CTNNA3: variants seen among roughly 807,000 people sequenced by gnomAD.
The protein encoded by CTNNA3 is catenin alpha-3.
A neutral mutation model predicts 95.7 loss-of-function variants in CTNNA3; 76 were observed. The observed-to-expected ratio is 0.79, with a 90% CI of 0.66 to 0.96. CTNNA3 has a LOEUF of 0.96. Ranked by LOEUF, CTNNA3 falls within the 40% of genes least tolerant of loss-of-function variation. The pLI is 0.00. For missense variants in CTNNA3, 1,191 were observed against 1,089.8 expected (o/e 1.09, Z -1.31); for synonymous variants, 431 against 374.4 (o/e 1.15, Z -1.74).
At chr10:66,985,914 G>C (rs183745759) in intron 7 of CTNNA3, among the ~76,000 whole-genome samples, 37 of 152,054 alleles carry the variant, frequency 2.4e-4, no homozygotes, top group African/African-American at 8.9e-4. Context: ...TTTTAGTAGA[G>C]ACAGGGTTTC....
At chr10:67,511,174 A>G (rs1839613627) in intron 5 of CTNNA3, among the ~76,000 whole-genome samples, 3 of 152,118 alleles carry the variant, frequency 2.0e-5, no homozygotes, top group Non-Finnish European at 4.4e-5. Flanking sequence ...CTAATTGAAT[A>G]CCCTTTACTT....
intron 5 of CTNNA3, among the ~76,000 whole-genome samples, chr10:67,360,607 C>T (rs1842962715): frequency 6.6e-6 from 1 of 152,088 alleles, no homozygotes; most frequent in Non-Finnish European, 1.5e-5. Context: ...TACAGTTCTA[C>T]AGACTATACG....
chr10:67,332,258 T>G (rs1841823103), intron 5 of CTNNA3, among the ~76,000 whole-genome samples: 1 of 152,190 alleles, frequency 6.6e-6, no homozygotes, highest in East Asian at 1.9e-4. Flanking sequence ...TTTTGAAACT[T>G]TATAAAGTGA....
intron 10 of CTNNA3, among the ~76,000 whole-genome samples, chr10:66,551,896 CTTTTTT>C (rs141885331): frequency 6.1e-5 from 7 of 113,966 alleles, no homozygotes; most frequent in South Asian, 5.8e-4. Flanking sequence ...TTTTCTTTTC[CTTTTTT>C]TTTTTTTTTT....
At chr10:67,297,098 C>T (rs1006604680) in intron 5 of CTNNA3, among the ~76,000 whole-genome samples, 6 of 152,064 alleles carry the variant, frequency 3.9e-5, no homozygotes, top group Admixed American at 6.5e-5. Context: ...CCACATTGTA[C>T]GTGGACTCTC....
chr10:67,419,307 CTT>C (rs1845656062), intron 5 of CTNNA3, among the ~76,000 whole-genome samples: 1 of 152,146 alleles, frequency 6.6e-6, no homozygotes, highest in East Asian at 1.9e-4. Flanking sequence ...TTATCCTTGT[CTT>C]AAAACCAAAA....
At chr10:66,687,247 G>A (rs1344196660) in intron 9 of CTNNA3, among the ~76,000 whole-genome samples, 1 of 151,884 alleles carries the variant, frequency 6.6e-6, no homozygotes, top group Non-Finnish European at 1.5e-5. Flanking sequence ...AGGCAAAAAA[G>A]GTGATAAATT....
intron 9 of CTNNA3, among the ~76,000 whole-genome samples, chr10:66,729,078 C>T (rs574843237): frequency 1.3e-5 from 2 of 152,264 alleles, no homozygotes; most frequent in South Asian, 4.1e-4. Flanking sequence ...GGTCTTATTT[C>T]TGAGTTATCT....
At chr10:67,699,889 C>G (rs953029495), upstream of CTNNA3, among the ~76,000 whole-genome samples, 6 of 152,344 alleles carry the variant, frequency 3.9e-5, no homozygotes, top group African/African-American at 1.4e-4. Flanking sequence ...GGGTGACAGA[C>G]GGCACCTGGA....
intron 15 of CTNNA3, among the ~76,000 whole-genome samples, chr10:66,007,183 A>C (rs974504836): frequency 3.3e-5 from 5 of 152,188 alleles, no homozygotes; most frequent in African/African-American, 1.2e-4. Context: ...TGCTGCTCTC[A>C]ATTGATTTAC....
At chr10:66,601,942 A>G (rs936285006) in intron 10 of CTNNA3, among the ~76,000 whole-genome samples, 1 of 151,918 alleles carries the variant, frequency 6.6e-6, no homozygotes, top group Non-Finnish European at 1.5e-5. Context: ...CTTCTTGAAA[A>G]GAAATACAGA....
chr10:66,173,827 G>A (rs1304887226), intron 13 of CTNNA3, among the ~76,000 whole-genome samples: 5 of 152,000 alleles, frequency 3.3e-5, no homozygotes, highest in Admixed American at 3.3e-4. Flanking sequence ...CAACTTATTT[G>A]TGCATTCAAC....
At chr10:66,275,883 G>A (rs954601984) in intron 13 of CTNNA3, among the ~76,000 whole-genome samples, 1 of 151,944 alleles carries the variant, frequency 6.6e-6, no homozygotes, top group Non-Finnish European at 1.5e-5. Flanking sequence ...GACACTGCAG[G>A]TAATCTCAAT....
intron 15 of CTNNA3, among the ~76,000 whole-genome samples, chr10:66,015,190 AATGATTT>A (rs2079071484): frequency 6.6e-6 from 1 of 152,078 alleles, no homozygotes; most frequent in Non-Finnish European, 1.5e-5. Flanking sequence ...AATGATGCTA[AATGATTT>A]TTAAAAATAC....
intron 5 of CTNNA3, among the ~76,000 whole-genome samples, chr10:67,461,850 C>G (rs1847392447): frequency 6.6e-6 from 1 of 152,068 alleles, no homozygotes; most frequent in Non-Finnish European, 1.5e-5. Flanking sequence ...TAGGAGATGG[C>G]CAGTCCTAGA....
intron 9 of CTNNA3, among the ~76,000 whole-genome samples, chr10:66,685,145 CTATA>C (rs539856902): frequency 1.5e-5 from 2 of 134,684 alleles, no homozygotes; most frequent in African/African-American, 5.6e-5. Context: ...CTTAGAAGAA[CTATA>C]TATATATACA....
rs1210772875 is a variant in CTNNA3, at chr10:65,913,382, A to G, written c.*6948T>C. 2.0e-5 allele frequency: 3 copies of G among 152,156 alleles called. No homozygotes were observed. The highest frequency in any genetic ancestry group is 4.4e-5 in the Non-Finnish European group (3 of 68,022). The allele number at this position is 152,156 out of a possible 1,614,324, so 9.4% of individuals were successfully genotyped here. ...TTAGGTACTAAATTGGGCATAAAAT[A>G]TGTCTACTTCTGTTTTCAGGAACTT... On this transcript the variant is annotated 3_prime_UTR_variant, in exon 18 of 18. Transcript: ENST00000433211.
At chr10:66,768,282 T>A (rs960507463) in intron 8 of CTNNA3, among the ~76,000 whole-genome samples, 1 of 151,420 alleles carries the variant, frequency 6.6e-6, no homozygotes, top group African/African-American at 2.4e-5. Context: ...AAAGCTCAGA[T>A]GAAATCTACA....
At chr10:66,093,159 A>G (rs1238914440) in intron 14 of CTNNA3, among the ~76,000 whole-genome samples, 1 of 151,936 alleles carries the variant, frequency 6.6e-6, no homozygotes, top group Non-Finnish European at 1.5e-5. Flanking sequence ...GGATACTATA[A>G]TATACAGTGT....
Sources: gnomAD v4.1 joint callset for allele counts (sites outside exome capture counted in the v4.1 genomes callset) on GRCh38, gnomAD v4.1.1 for gene constraint, MANE v1.5 for transcripts, NCBI Gene and HGNC (gene_info 2026-07-23, HGNC 2026-07-21) for gene names.